Variants in PLCH2 observed in about 807,000 individuals in gnomAD.
The protein encoded by PLCH2 is 1-phosphatidylinositol 4,5-bisphosphate phosphodiesterase eta-2.
PLCH2 carries 98 observed loss-of-function variants against 134.7 expected under a neutral mutation model. That is an observed-to-expected ratio of 0.73 (90% CI 0.62 to 0.86). PLCH2 has a LOEUF of 0.86. Ranked by LOEUF, PLCH2 falls within the 40% of genes least tolerant of loss-of-function variation. The pLI is 0.00. For synonymous variants in PLCH2, 974 were observed against 827.5 expected, an observed-to-expected ratio of 1.18 and a Z score of -3.04; for missense variants, 1,994 against 1,986.6, an observed-to-expected ratio of 1.00 and a Z score of -0.07.
chr1:2,453,971 G>C (rs1640366368), intron 2 of PLCH2, among the ~76,000 whole-genome samples: 1 of 151,906 alleles, frequency 6.6e-6, no homozygotes, highest in Non-Finnish European at 1.5e-5. Context: ...CCGAGTGTGT[G>C]GGGGCCTCTG....
chr1:2,439,687 G>T lies in PLCH2; in HGVS notation c.115+9058G>T, dbSNP rs1570257040. Among the ~76,000 whole-genome samples the T allele has an allele frequency of 6.6e-6, 1 of 152,168 alleles. No homozygotes were observed. On this transcript the variant is annotated intron_variant, in intron 2 of 3. Transcript: ENST00000609981. This position sits in a 1 kb window ranked among gnomAD's most constrained non-coding sequence, Gnocchi z 4.7. Reference sequence around the variant, plus strand: ...TCTGAGACCTCCCGCCCAGGTCTCTGGCCCTGAGCCATCTGTTCACCTGGG... The same window carrying T: ...TCTGAGACCTCCCGCCCAGGTCTCTTGCCCTGAGCCATCTGTTCACCTGGG...
intron 10 of PLCH2, among the ~76,000 whole-genome samples, chr1:2,490,091 T>C (rs952647849): frequency 7.0e-6 from 1 of 142,652 alleles, no homozygotes; most frequent in Non-Finnish European, 1.5e-5. Context: ...CTCCCACATT[T>C]GAGCTGACTC....
At chr1:2,445,789 C>T (rs886709359) in intron 2 of PLCH2, among the ~76,000 whole-genome samples, 8 of 152,198 alleles carry the variant, frequency 5.3e-5, no homozygotes, top group Admixed American at 1.3e-4. Flanking sequence ...CACGGATTGC[C>T]GTAAGCCGCA....
intron 21 of PLCH2, chr1:2,503,080 C>G: frequency 4.3e-6 from 3 of 701,752 alleles, no homozygotes; most frequent in Non-Finnish European, 7.8e-6. Flanking sequence ...TTGCCTGTGG[C>G]CCATAGCCCC....
chr1:2,488,136 G>C (rs1642379690), intron 8 of PLCH2, among the ~76,000 whole-genome samples: 1 of 152,280 alleles, frequency 6.6e-6, no homozygotes, highest in Non-Finnish European at 1.5e-5. Context: ...TTACCTTCAA[G>C]TCTTGGCTAC....
chr1:2,492,361 C>T (rs1450577753), intron 11 of PLCH2: 2 of 152,270 alleles, frequency 1.3e-5, no homozygotes, highest in African/African-American at 4.8e-5. Flanking sequence ...CCCAAGGTGT[C>T]TAGGTGGGGG....
chr1:2,465,015 G>T (rs2477691), upstream of PLCH2, among the ~76,000 whole-genome samples: 9,828 of 152,220 alleles, frequency 0.065, 1,073 homozygotes, highest in African/African-American at 0.22. Context: ...GGCTGCCTTT[G>T]TGTGCAGAGC....
intron 2 of PLCH2, among the ~76,000 whole-genome samples, chr1:2,452,497 G>A (rs1640292164): frequency 6.6e-6 from 1 of 152,184 alleles, no homozygotes. Flanking sequence ...TGGCCTTTGG[G>A]AGCGGCCACC....
chr1:2,481,589 T>G (rs1185738287), intron 4 of PLCH2, among the ~76,000 whole-genome samples: 2 of 152,228 alleles, frequency 1.3e-5, no homozygotes, highest in African/African-American at 4.8e-5. Context: ...GCGTGGTTTC[T>G]GGGGCCTGAA....
rs1324841553 is a variant in PLCH2, at chr1:2,504,795, A to G, written c.3833A>G (p.His1278Arg). 4 of 1,611,910 alleles carry G rather than the reference A, an allele frequency of 2.5e-6. No individual in the cohort carries two copies. The East Asian group carries it at 8.9e-5, about 36-fold the overall frequency. ...GAGGGCGGCTCCCGCAGACTGAGCC[A>G]CAGCCTGGGCCTCCCGGGAGGGACA... ...SFEGGSRRLSHSLGLPGGTRR... is the reference protein window; with the variant it reads ...SFEGGSRRLSRSLGLPGGTRR... Residue 1278 changes from histidine to arginine, a missense_variant, in exon 22 of 22, where the codon CAC (histidine) becomes CGC (arginine). Coordinates refer to ENST00000378486, the MANE Select transcript of PLCH2 (RefSeq NM_014638.4).
chr1:2,446,923 G>A (rs995809470), intron 2 of PLCH2, among the ~76,000 whole-genome samples: 3 of 152,228 alleles, frequency 2.0e-5, no homozygotes, highest in African/African-American at 7.2e-5. Flanking sequence ...CTGTGCCCAT[G>A]CACAAGCACC....
upstream of PLCH2, among the ~76,000 whole-genome samples, chr1:2,462,460 C>T (rs1163659381): frequency 6.8e-6 from 1 of 146,986 alleles, no homozygotes; most frequent in Non-Finnish European, 1.5e-5. Flanking sequence ...CTCCATCTGA[C>T]ACCCTTCCAC....
At position 2,444,426 on chromosome 1, in the gene PLCH2, C is replaced by G. The variant is rs1005496666; in HGVS notation, c.115+13797C>G. ...GTGCTCATCTGGGGGGAGCCGGCCT[C>G]TCCCCACACTAGCAGGTGGGGTGCA... On this transcript the variant is annotated intron_variant, in intron 2 of 3. Transcript: ENST00000609981. This position sits in a 1 kb window ranked among gnomAD's most constrained non-coding sequence, Gnocchi z 4.6. Among the ~76,000 whole-genome samples, 2 of 152,184 alleles carry G rather than the reference C, an allele frequency of 1.3e-5. No homozygotes were observed. The highest frequency in any genetic ancestry group is 2.9e-5 in the Non-Finnish European group (2 of 68,010).
chr1:2,502,852 T>C (rs1197867995), intron 21 of PLCH2: 1 of 717,090 alleles, frequency 1.4e-6, no homozygotes, highest in Non-Finnish European at 2.6e-6. Flanking sequence ...GAGAGATGAG[T>C]GCCTTGTTTG....
upstream of PLCH2, among the ~76,000 whole-genome samples, chr1:2,475,380 G>A (rs1223652684): frequency 2.0e-5 from 3 of 152,226 alleles, no homozygotes; most frequent in African/African-American, 2.4e-5. Flanking sequence ...GTGTGGTCAC[G>A]AAGCATGGGC....
At chr1:2,443,862 C>T (rs1007614225) in intron 2 of PLCH2, among the ~76,000 whole-genome samples, 4 of 150,136 alleles carry the variant, frequency 2.7e-5, no homozygotes, top group South Asian at 2.1e-4. Flanking sequence ...AGCCCGAGCC[C>T]GGCCGCTGAC....
intron 4 of PLCH2, 51 bp from the exon 5 acceptor site, chr1:2,484,397 A>G: frequency 6.3e-7 from 1 of 1,591,734 alleles, no homozygotes; most frequent in East Asian, 2.2e-5. Flanking sequence ...ACCCCTGTGC[A>G]TGCAGGCCCT....
chr1:2,416,931 G>T, the PLCH2 span, among the ~76,000 whole-genome samples: 3 of 152,172 alleles, frequency 2.0e-5, no homozygotes, highest in Non-Finnish European at 2.9e-5. Flanking sequence ...AGCCTGGGGG[G>T]GCCCTGGGGC....
rs376060671 is a variant in PLCH2, at chr1:2,504,467, C to T, written c.3505C>T (p.Arg1169Cys). Residue 1169 changes from arginine (R) to cysteine (C), a missense_variant, in exon 22 of 22, where the codon CGT becomes TGT. Around this residue, in one of 2 missense-constraint regions of PLCH2, gnomAD observed 900 missense variants for 752.3 expected, o/e 1.20. Coordinates refer to ENST00000378486, the MANE Select transcript of PLCH2 (RefSeq NM_014638.4). ...GCCCAGCCTGGGCCTGGGCCGCAGC[C>T]GTGAGAACCTCGCTGGAGCCCACAT... ...SLPSLGLGRSRENLAGAHMGR... is the reference protein window; with the variant it reads ...SLPSLGLGRSCENLAGAHMGR... 62 of 1,612,448 alleles carry T rather than the reference C, an allele frequency of 3.8e-5. No individual in the cohort carries two copies. The highest frequency in any genetic ancestry group is 1.1e-4 in the East Asian group (5 of 44,824).
Sources: gnomAD v4.1 joint callset for allele counts (sites outside exome capture counted in the v4.1 genomes callset) on GRCh38, gnomAD v4.1.1 for gene constraint, gnomAD v4.1.1 regional missense constraint, Gnocchi (gnomAD v3.1) non-coding constraint, MANE v1.5 for transcripts, NCBI Gene and HGNC (gene_info 2026-07-23, HGNC 2026-07-21) for gene names.